The following IGSF11 variants were observed in gnomAD, a reference collection of about 807,000 sequenced individuals.
The protein encoded by IGSF11 is CXADR like 1.
IGSF11 carries 22 observed loss-of-function variants against 41.0 expected under a neutral mutation model. The observed-to-expected ratio is 0.54, with a 90% CI of 0.38 to 0.77. The LOEUF is 0.77. Ranked by LOEUF, IGSF11 falls within the 30% of genes least tolerant of loss-of-function variation. The pLI is 0.00. For missense variants in IGSF11, 444 were observed against 530.8 expected, an observed-to-expected ratio of 0.84 and a Z score of 1.61; for synonymous variants, 219 against 201.3, an observed-to-expected ratio of 1.09 and a Z score of -0.74.
intron 1 of IGSF11, among the ~76,000 whole-genome samples, chr3:119,063,419 G>A (rs1469121450): frequency 6.6e-6 from 1 of 151,980 alleles, no homozygotes; most frequent in Non-Finnish European, 1.5e-5. Context: ...TGTAAATCAT[G>A]TTTTCTTGTA....
At chr3:118,966,269 C>T (rs1431253093) in intron 1 of IGSF11, among the ~76,000 whole-genome samples, 1 of 152,050 alleles carries the variant, frequency 6.6e-6, no homozygotes, top group Non-Finnish European at 1.5e-5. Flanking sequence ...CACAAATGCC[C>T]CTAATAAAAT....
At chr3:119,120,674 G>A (rs896708614) in intron 1 of IGSF11, among the ~76,000 whole-genome samples, 4 of 152,156 alleles carry the variant, frequency 2.6e-5, no homozygotes, top group African/African-American at 9.6e-5. Flanking sequence ...TTATACAAAT[G>A]TGGCTTCTAC....
intron 1 of IGSF11, among the ~76,000 whole-genome samples, chr3:119,136,341 G>C (rs1206884393): frequency 1.3e-5 from 2 of 151,980 alleles, no homozygotes; most frequent in Admixed American, 1.3e-4. Context: ...TGAATGTAAA[G>C]GGACTTAACT....
upstream of IGSF11, among the ~76,000 whole-genome samples, chr3:119,039,024 A>G (rs1265803554): frequency 6.6e-6 from 1 of 152,346 alleles, no homozygotes; most frequent in East Asian, 1.9e-4. Flanking sequence ...TCTACAGTCC[A>G]TTCTCAACAC....
chr3:119,047,006 T>C (rs1166491043), intron 1 of IGSF11, among the ~76,000 whole-genome samples: 2 of 142,552 alleles, frequency 1.4e-5, no homozygotes, highest in African/African-American at 5.2e-5. Context: ...GCGCTAAACA[T>C]GGAAAGGAAC....
At chr3:118,935,888 AC>A (rs1943235297) in intron 1 of IGSF11, among the ~76,000 whole-genome samples, 1 of 152,208 alleles carries the variant, frequency 6.6e-6, no homozygotes, top group East Asian at 1.9e-4. Context: ...AAGTTGTATA[AC>A]CTGCTTTAGT....
intron 1 of IGSF11, chr3:118,983,241 C>A (rs1050200822): frequency 2.6e-5 from 4 of 152,200 alleles, no homozygotes; most frequent in African/African-American, 9.7e-5. Context: ...ATATTCACAA[C>A]TAACCCAAGA....
intron 1 of IGSF11, among the ~76,000 whole-genome samples, chr3:118,961,255 G>A (rs1321683017): frequency 2.0e-5 from 3 of 152,162 alleles, no homozygotes; most frequent in African/African-American, 7.2e-5. Flanking sequence ...AAACTTGCGG[G>A]CACCTGCACT....
intron 1 of IGSF11, among the ~76,000 whole-genome samples, chr3:119,012,019 T>TAC (rs777331775): frequency 6.6e-6 from 1 of 151,766 alleles, no homozygotes; most frequent in Non-Finnish European, 1.5e-5. Context: ...CAATATAGTG[T>TAC]ACACACACAC....
chr3:118,941,761 G>C (rs1258749611), intron 1 of IGSF11, among the ~76,000 whole-genome samples: 1 of 152,078 alleles, frequency 6.6e-6, no homozygotes, highest in Non-Finnish European at 1.5e-5. Context: ...TTGTGACACA[G>C]CCATTTAATG....
chr3:119,001,524 G>C (rs1465616314), intron 1 of IGSF11, among the ~76,000 whole-genome samples: 27 of 144,966 alleles, frequency 1.9e-4, no homozygotes, highest in African/African-American at 5.6e-4. Context: ...ACATTGTGCA[G>C]GTTAGTTACA....
intron 1 of IGSF11, among the ~76,000 whole-genome samples, chr3:119,113,600 C>A (rs1352399762): frequency 1.3e-5 from 2 of 152,204 alleles, no homozygotes; most frequent in African/African-American, 2.4e-5. Flanking sequence ...CAAGGTACAG[C>A]CCCCATGACT....
At chr3:119,134,455 C>G (rs1409077855) in intron 1 of IGSF11, among the ~76,000 whole-genome samples, 1 of 152,072 alleles carries the variant, frequency 6.6e-6, no homozygotes, top group African/African-American at 2.4e-5. Context: ...GAGTGAACTC[C>G]CACTCACAAT....
chr3:118,916,916 C>A (rs1941181441), intron 4 of IGSF11, among the ~76,000 whole-genome samples: 1 of 152,074 alleles, frequency 6.6e-6, no homozygotes, highest in Admixed American at 6.5e-5. Context: ...TCTCTCAGAC[C>A]ACAGTGCAAT....
At chr3:119,119,202 C>G (rs1228489287) in intron 1 of IGSF11, among the ~76,000 whole-genome samples, 8 of 152,122 alleles carry the variant, frequency 5.3e-5, no homozygotes, top group Non-Finnish European at 1.0e-4. Context: ...TTTCATGCTG[C>G]TGATGAAGAC....
At chr3:119,093,404 C>T (rs922187013) in intron 1 of IGSF11, among the ~76,000 whole-genome samples, 1 of 125,520 alleles carries the variant, frequency 8.0e-6, no homozygotes, top group Non-Finnish European at 1.7e-5. Flanking sequence ...TTCTGAGACC[C>T]GTTTTTTTTT....
intron 1 of IGSF11, among the ~76,000 whole-genome samples, chr3:119,124,043 C>A (rs1456845205): frequency 6.6e-6 from 1 of 152,040 alleles, no homozygotes; most frequent in African/African-American, 2.4e-5. Context: ...CCTGGAGAAA[C>A]AGAGATATGT....
chr3:119,107,869 C>G (rs201396359), upstream of IGSF11, among the ~76,000 whole-genome samples: 78,325 of 134,148 alleles, frequency 0.58, 17,941 homozygotes, highest in African/African-American at 0.6. Flanking sequence ...GCTTGTTTTT[C>G]TCAGGTTTGT....
intron 1 of IGSF11, among the ~76,000 whole-genome samples, chr3:119,048,957 GTAAAAACTCTCAA>G (rs1941494117): frequency 6.6e-6 from 1 of 152,060 alleles, no homozygotes; most frequent in Non-Finnish European, 1.5e-5. Context: ...GCCCTTCATG[GTAAAAACTCTCAA>G]TAAATTAGGT....
Sources: gnomAD v4.1 joint callset for allele counts (sites outside exome capture counted in the v4.1 genomes callset) on GRCh38, gnomAD v4.1.1 for gene constraint, MANE v1.5 for transcripts, NCBI Gene and HGNC (gene_info 2026-07-23, HGNC 2026-07-21) for gene names.